The following SYNPR variants were observed in gnomAD, a reference collection of about 807,000 sequenced individuals.
SYNPR encodes synaptoporin.
A neutral mutation model predicts 32.9 loss-of-function variants in SYNPR; 23 were observed. The ratio of observed to expected loss-of-function variants is 0.70; its 90% CI spans 0.50 to 0.99. The LOEUF is 0.99. Among genes scored for constraint, SYNPR ranks in the 50% least tolerant of loss-of-function variants. The probability of loss-of-function intolerance (pLI) is 0.00; values close to 1 mark genes in which losing one functional copy is unlikely to be tolerated. For missense variants in SYNPR, 318 were observed against 349.3 expected, an observed-to-expected ratio of 0.91 and a Z score of 0.71; for synonymous variants, 146 against 135.9, an observed-to-expected ratio of 1.07 and a Z score of -0.52.
chr3:63,268,851 C>A (rs1237362081), intron 3 of SYNPR, among the ~76,000 whole-genome samples: 1 of 152,182 alleles, frequency 6.6e-6, no homozygotes, highest in Admixed American at 6.5e-5. Context: ...AATTATTTGG[C>A]ACTGAAAGTG....
At chr3:63,223,483 C>G (rs932875870), upstream of SYNPR, among the ~76,000 whole-genome samples, 4 of 151,888 alleles carry the variant, frequency 2.6e-5, no homozygotes, top group Non-Finnish European at 5.9e-5. Context: ...TTGGTACCAG[C>G]TGAGACATCT....
chr3:63,405,985 T>C (rs1472314180), intron 2 of SYNPR, among the ~76,000 whole-genome samples: 1 of 152,056 alleles, frequency 6.6e-6, no homozygotes, highest in African/African-American at 2.4e-5. Flanking sequence ...TGGAGATGGG[T>C]ATATTCAGTT....
intron 4 of SYNPR, among the ~76,000 whole-genome samples, chr3:63,581,870 A>G (rs1276554969): frequency 6.6e-6 from 1 of 152,086 alleles, no homozygotes; most frequent in Non-Finnish European, 1.5e-5. Flanking sequence ...TTAAAAGGTT[A>G]TTGTGATTTC....
chr3:63,603,540 G>A (rs6765497), intron 4 of SYNPR, among the ~76,000 whole-genome samples: 94,594 of 152,002 alleles, frequency 0.62, 29,624 homozygotes, highest in African/African-American at 0.68. Context: ...TTTGTTGAGG[G>A]TTCTTAACAT....
chr3:63,360,999 C>A (rs1372493720), intron 2 of SYNPR, among the ~76,000 whole-genome samples: 5 of 152,146 alleles, frequency 3.3e-5, no homozygotes, highest in Non-Finnish European at 7.3e-5. Context: ...TGGCTTCCTG[C>A]ACGTAATGGA....
chr3:63,268,738 A>G (rs62251327), intron 3 of SYNPR, among the ~76,000 whole-genome samples: 38,162 of 152,088 alleles, frequency 0.25, 5,616 homozygotes, highest in Admixed American at 0.34. Context: ...CCACATGTAC[A>G]ATAACTCACA....
intron 2 of SYNPR, among the ~76,000 whole-genome samples, chr3:63,360,077 A>G (rs899760244): frequency 6.6e-6 from 1 of 152,174 alleles, no homozygotes; most frequent in Non-Finnish European, 1.5e-5. Context: ...TCTGTGTGAC[A>G]TCTCCACCAA....
At chr3:63,542,586 G>A (rs78216680) in intron 3 of SYNPR, among the ~76,000 whole-genome samples, 361 of 152,182 alleles carry the variant, frequency 2.4e-3, no homozygotes, top group African/African-American at 8.0e-3. Flanking sequence ...AAAGACCAAG[G>A]AGCATTTATA....
chr3:63,433,012 C>T (rs1333302253), intron 2 of SYNPR, among the ~76,000 whole-genome samples: 3 of 152,202 alleles, frequency 2.0e-5, no homozygotes, highest in Admixed American at 6.5e-5. Flanking sequence ...CTTTTATAAG[C>T]TGCTCGGGTG....
chr3:63,218,118 G>A, the SYNPR span, among the ~76,000 whole-genome samples: 29 of 152,214 alleles, frequency 1.9e-4, no homozygotes, highest in African/African-American at 6.3e-4. Context: ...GAGTAACAGA[G>A]CAAGACCTTG....
At chr3:63,491,382 G>A (rs1186003453) in intron 3 of SYNPR, among the ~76,000 whole-genome samples, 1 of 152,078 alleles carries the variant, frequency 6.6e-6, no homozygotes, top group East Asian at 1.9e-4. Context: ...ACGAGCAAGG[G>A]AGGGAAGACA....
At chr3:63,307,055 C>A (rs2086916555) in intron 2 of SYNPR, among the ~76,000 whole-genome samples, 1 of 152,024 alleles carries the variant, frequency 6.6e-6, no homozygotes, top group African/African-American at 2.4e-5. Flanking sequence ...TGAGTTTTCT[C>A]AATATACTCA....
chr3:63,429,832 T>C (rs371189717), intron 2 of SYNPR, among the ~76,000 whole-genome samples: 1 of 152,218 alleles, frequency 6.6e-6, no homozygotes, highest in Non-Finnish European at 1.5e-5. Context: ...CTCTCTCTTG[T>C]TCCCATGGGG....
At chr3:63,221,150 A>C in the SYNPR span, among the ~76,000 whole-genome samples, 3 of 152,192 alleles carry the variant, frequency 2.0e-5, no homozygotes, top group African/African-American at 7.2e-5. Flanking sequence ...TAGAGATGTC[A>C]AACAGGCGCT....
intron 2 of SYNPR, among the ~76,000 whole-genome samples, chr3:63,304,922 C>A (rs149541714): frequency 4.3e-4 from 66 of 152,102 alleles, no homozygotes; most frequent in Non-Finnish European, 9.0e-4. Flanking sequence ...TGATTTCAGT[C>A]CTAGCTTGCC....
chr3:63,514,405 A>G (rs1177646178), intron 3 of SYNPR, among the ~76,000 whole-genome samples: 1 of 151,238 alleles, frequency 6.6e-6, no homozygotes, highest in Non-Finnish European at 1.5e-5. Flanking sequence ...GGAACAACTC[A>G]TTGAAATCTC....
At chr3:63,446,573 C>T (rs1032281168) in intron 2 of SYNPR, among the ~76,000 whole-genome samples, 1 of 152,124 alleles carries the variant, frequency 6.6e-6, no homozygotes. Context: ...TGAAATTTCT[C>T]TTCAAGTGGC....
chr3:63,584,660 C>T (rs1288613135), intron 4 of SYNPR, among the ~76,000 whole-genome samples: 2 of 151,982 alleles, frequency 1.3e-5, no homozygotes, highest in Non-Finnish European at 2.9e-5. Flanking sequence ...AGCACAATGC[C>T]TGGTATAGAA....
chr3:63,417,947 A>G (rs1349874820), intron 2 of SYNPR, among the ~76,000 whole-genome samples: 2 of 152,126 alleles, frequency 1.3e-5, no homozygotes, highest in Admixed American at 1.3e-4. Flanking sequence ...CATTTTCTAC[A>G]CTGTCTTGGT....
Sources: allele counts gnomAD v4.1 joint callset (sites outside exome capture counted in the v4.1 genomes callset), GRCh38; gene constraint gnomAD v4.1.1; transcripts MANE v1.5; gene names NCBI Gene and HGNC (gene_info 2026-07-23, HGNC 2026-07-21).